PSMA1: variants seen among roughly 807,000 people sequenced by gnomAD.
The protein encoded by PSMA1 is proteasome subunit alpha type-1.
A neutral mutation model predicts 38.4 loss-of-function variants in PSMA1; 3 were observed. That is an observed-to-expected ratio of 0.08 (90% CI 0.04 to 0.20). The LOEUF (loss-of-function observed/expected upper bound fraction) is 0.20. Ranked by LOEUF, PSMA1 falls within the 10% of genes least tolerant of loss-of-function variation. The pLI, the probability that PSMA1 is intolerant of heterozygous loss-of-function variation, is 1.00. For synonymous variants in PSMA1, 101 were observed against 107.1 expected (o/e 0.94, Z 0.35); for missense variants, 227 against 325.3 (o/e 0.70, Z 2.32).
In PSMA1 at chr11:14,534,037, C is replaced by T. The variant is rs543593616; in HGVS notation, c.22-14996G>A. Among the ~76,000 whole-genome samples the T allele has an allele frequency of 5.9e-5, 9 of 152,012 alleles. No individual in the cohort carries two copies. Among genetic ancestry groups the T allele is most frequent in the East Asian group, 1.9e-4 (1 of 5,164 alleles). Reference sequence around the variant, plus strand: ...TCTCTACTAAAAATACAAAATTAGCCGGGCATGGAGGTGCATGTCTGTAAC... The same window carrying T: ...TCTCTACTAAAAATACAAAATTAGCTGGGCATGGAGGTGCATGTCTGTAAC... On this transcript the variant is annotated intron_variant, in intron 2 of 10. Transcript: ENST00000418988. The surrounding 1 kb of genome is among the most constrained non-coding windows in gnomAD (Gnocchi z 4.5).
intron 7 of PSMA1, 186 bp downstream of exon 7, chr11:14,513,384 G>T: frequency 1.7e-6 from 1 of 582,104 alleles, no homozygotes; most frequent in Non-Finnish European, 2.5e-6. Context: ...TGAAACTACT[G>T]TGGTAACCAG....
rs1314976013 is a variant in PSMA1, at chr11:14,629,496, C to T, written c.-166+13959G>A. ...TAGTTGTAGATATGCGGTGTTATTT[C>T]TGAGGGCTCTGTTCTGTTCCATTGA... is the stretch of plus-strand genomic sequence containing the variant. On this transcript the variant is annotated intron_variant, in intron 1 of 10. Coordinates refer to the PSMA1 transcript ENST00000418988. 2.0e-5 allele frequency among the ~76,000 whole-genome samples: 3 copies of T among 151,216 alleles called. No individual in the cohort carries two copies. The East Asian group carries it at 5.8e-4, about 29-fold the overall frequency.
In PSMA1 at chr11:14,510,838, G is replaced by A. The variant is rs200964111; in HGVS notation, c.624+34C>T. On this transcript the variant is annotated intron_variant, in intron 8 of 9. Coordinates refer to ENST00000396394, the MANE Select transcript of PSMA1 (RefSeq NM_002786.4). ...ATGCAATAAAGGTTTAAACTGTAAC[G>A]TTAATATCTACAATTGGAAAAGACA... 4,123 of 1,468,952 alleles carry A rather than the reference G, an allele frequency of 2.8e-3. 24 individuals carry two copies. The highest frequency in any genetic ancestry group is 0.026 in the Middle Eastern group (140 of 5,454). The allele number at this position is 1,468,952 out of a possible 1,614,324, so 91.0% of individuals were successfully genotyped here.
chr11:14,532,631 A>G (rs1851660110), intron 2 of PSMA1, among the ~76,000 whole-genome samples: 2 of 146,168 alleles, frequency 1.4e-5, no homozygotes, highest in African/African-American at 5.1e-5. Context: ...GGGGATATAC[A>G]TTGAAGATTT....
chr11:14,640,377 T>G (rs1853184059), intron 1 of PSMA1, among the ~76,000 whole-genome samples: 1 of 152,260 alleles, frequency 6.6e-6, no homozygotes, highest in African/African-American at 2.4e-5. Context: ...TAACACATTG[T>G]TCTCAACAGT....
intron 1 of PSMA1, among the ~76,000 whole-genome samples, chr11:14,617,455 C>A (rs1307130308): frequency 6.6e-6 from 1 of 152,162 alleles, no homozygotes; most frequent in African/African-American, 2.4e-5. Context: ...ATCTCTGTTT[C>A]TCCAGTGACT....
intron 2 of PSMA1, among the ~76,000 whole-genome samples, chr11:14,529,354 G>A (rs1851621583): frequency 1.3e-5 from 2 of 152,078 alleles, no homozygotes; most frequent in Admixed American, 1.3e-4. Context: ...AACACACCTG[G>A]TGGAGTTAAT....
chr11:14,550,614 A>G (rs1196751847), intron 2 of PSMA1, among the ~76,000 whole-genome samples: 1 of 152,190 alleles, frequency 6.6e-6, no homozygotes, highest in Non-Finnish European at 1.5e-5. Context: ...GAAAAAAAAC[A>G]TTGAAAAGAG....
chr11:14,569,666 C>T (rs1182964682), intron 2 of PSMA1, among the ~76,000 whole-genome samples: 2 of 152,146 alleles, frequency 1.3e-5, no homozygotes. Context: ...GGAGGAGGTG[C>T]GTCTGCCATT....
chr11:14,557,646 G>A (rs769471799), intron 2 of PSMA1, among the ~76,000 whole-genome samples: 29 of 152,038 alleles, frequency 1.9e-4, no homozygotes, highest in Non-Finnish European at 4.0e-4. Context: ...GAGGGGTGAG[G>A]GAATTCATCA....
intron 7 of PSMA1, 68 bp from the exon 8 acceptor site, chr11:14,511,019 A>C: frequency 1.8e-6 from 2 of 1,131,436 alleles, no homozygotes; most frequent in Non-Finnish European, 1.3e-6. Flanking sequence ...TATTTATCAA[A>C]TCTACAGTCT....
chr11:14,547,695 A>C (rs565453678), intron 2 of PSMA1, among the ~76,000 whole-genome samples: 47 of 152,290 alleles, frequency 3.1e-4, no homozygotes, highest in African/African-American at 9.6e-4. Flanking sequence ...CAACCAGAGG[A>C]GCTCAGAGGC....
chr11:14,531,634 A>AT (rs1007643602), intron 2 of PSMA1, among the ~76,000 whole-genome samples: 1 of 151,754 alleles, frequency 6.6e-6, no homozygotes, highest in African/African-American at 2.4e-5. Context: ...TAATTTTTGT[A>AT]TTTTTTGTAG....
intron 2 of PSMA1, among the ~76,000 whole-genome samples, chr11:14,547,101 T>G (rs1851835704): frequency 6.6e-6 from 1 of 152,190 alleles, no homozygotes; most frequent in South Asian, 2.1e-4. Flanking sequence ...AAATAATATT[T>G]AAAAATAAGA....
At chr11:14,531,609 G>A (rs544210385) in intron 2 of PSMA1, among the ~76,000 whole-genome samples, 1 of 152,082 alleles carries the variant, frequency 6.6e-6, no homozygotes, top group East Asian at 1.9e-4. Context: ...ACAGTTCTGT[G>A]CCACCACACC....
intron 2 of PSMA1, among the ~76,000 whole-genome samples, chr11:14,588,768 G>C (rs1311939306): frequency 2.6e-5 from 4 of 152,118 alleles, no homozygotes; most frequent in Non-Finnish European, 5.9e-5. Context: ...AAGGCTTTAT[G>C]TGATCTGACC....
chr11:14,520,216 G>A lies in PSMA1; in HGVS notation c.3+81C>T, dbSNP rs1332510768. 28 of 1,599,702 alleles carry A rather than the reference G, an allele frequency of 1.8e-5. No individual in the cohort carries two copies. In the South Asian group the frequency reaches 3.0e-4, roughly 17 times the overall value. ...ACCTCGTGGCACCGGGCGACGCTAA[G>A]GATGACAGGAGAGGTGGCTCGTCAT... On this transcript the variant is annotated intron_variant, in intron 1 of 9. Coordinates refer to ENST00000396394, the MANE Select transcript of PSMA1 (RefSeq NM_002786.4).
chr11:14,581,912 T>C (rs565643063), intron 2 of PSMA1, among the ~76,000 whole-genome samples: 1 of 152,328 alleles, frequency 6.6e-6, no homozygotes, highest in East Asian at 1.9e-4. Context: ...TTAGTAACTT[T>C]CAACTTAATA....
chr11:14,635,687 G>C (rs1853105675), intron 1 of PSMA1, among the ~76,000 whole-genome samples: 1 of 152,216 alleles, frequency 6.6e-6, no homozygotes, highest in South Asian at 2.1e-4. Flanking sequence ...CTTACCATCG[G>C]AATCTTTTCA....
Sources: gnomAD v4.1 joint callset for allele counts (sites outside exome capture counted in the v4.1 genomes callset) on GRCh38, gnomAD v4.1.1 for gene constraint, Gnocchi (gnomAD v3.1) non-coding constraint, MANE v1.5 for transcripts, NCBI Gene and HGNC (gene_info 2026-07-23, HGNC 2026-07-21) for gene names.